ROCK1: variants seen among roughly 807,000 people sequenced by gnomAD.
The protein encoded by ROCK1 is Rho associated coiled-coil containing protein kinase 1, also known as rho-associated protein kinase 1.
A neutral mutation model predicts 196.8 loss-of-function variants in ROCK1; 36 were observed. The observed-to-expected ratio is 0.18, with a 90% CI of 0.14 to 0.24. The LOEUF is 0.24. ROCK1 is among the 10% of genes least tolerant of loss of function. ROCK1 has a pLI of 1.00. For synonymous variants in ROCK1, 443 were observed against 515.9 expected (o/e 0.86, Z 1.91); for missense variants, 920 against 1,562.0 (o/e 0.59, Z 6.93).
chr18:21,108,050 A>G (rs2143611653), intron 1 of ROCK1, among the ~76,000 whole-genome samples: 1 of 152,128 alleles, frequency 6.6e-6, no homozygotes, highest in Middle Eastern at 3.4e-3. Context: ...GTGAGATTCC[A>G]TCTCAGAAAA....
At chr18:21,047,506 T>C (rs1303195946) in intron 4 of ROCK1, among the ~76,000 whole-genome samples, 2 of 152,024 alleles carry the variant, frequency 1.3e-5, no homozygotes, top group East Asian at 1.9e-4. Flanking sequence ...TTAAAAGTAC[T>C]ATGGTGACCG....
chr18:21,110,863 G>A lies in ROCK1; in HGVS notation c.48C>T (p.Asn16=), dbSNP rs779151046. The part of the protein sequence containing the change: ...SFETRFEKMD[N]LLRDPKSEVN... ...CTTCCGATTTGGGATCCCGCAGCAG[G>A]TTGTCCATTTTTTCAAATCGAGTCT... The change falls in exon 1 of 33, where the codon AAC becomes AAT. Residue 16 remains asparagine (N), a synonymous_variant. Coordinates refer to ENST00000399799, the MANE Select transcript of ROCK1 (RefSeq NM_005406.3). 1 of 1,614,156 alleles carries A rather than the reference G, an allele frequency of 6.2e-7. No homozygotes were observed. Among genetic ancestry groups the A allele is most frequent in the South Asian group, 1.1e-5 (1 of 91,086 alleles).
intron 22 of ROCK1, 139 bp downstream of exon 22, chr18:20,979,771 T>C (rs2035513726): frequency 3.0e-6 from 3 of 1,009,890 alleles, no homozygotes; most frequent in African/African-American, 3.4e-5. Flanking sequence ...TTCAGCCTAA[T>C]CTGATTTGTT....
intron 12 of ROCK1, among the ~76,000 whole-genome samples, chr18:21,017,053 T>C (rs929842387): frequency 6.6e-6 from 1 of 151,884 alleles, no homozygotes; most frequent in Non-Finnish European, 1.5e-5. Flanking sequence ...TCCACTCTTC[T>C]CCTAATAATT....
intron 5 of ROCK1, 134 bp from the exon 6 acceptor site, chr18:21,044,320 C>A (rs2143508509): frequency 4.2e-6 from 2 of 471,968 alleles, no homozygotes; most frequent in South Asian, 5.1e-5. Context: ...TGTTCTCTAT[C>A]CACATCTATA....
intron 1 of ROCK1, among the ~76,000 whole-genome samples, chr18:21,081,017 A>T (rs1208326532): frequency 2.0e-5 from 3 of 152,164 alleles, no homozygotes; most frequent in African/African-American, 7.2e-5. Flanking sequence ...ACTGGACCTA[A>T]CAGATTATAA....
At chr18:21,024,137 C>A (rs2035937232) in intron 10 of ROCK1, among the ~76,000 whole-genome samples, 1 of 152,162 alleles carries the variant, frequency 6.6e-6, no homozygotes, top group Non-Finnish European at 1.5e-5. Flanking sequence ...ACCACCTCTC[C>A]TGCACCCAAC....
intron 1 of ROCK1, among the ~76,000 whole-genome samples, chr18:21,101,478 C>T (rs2036659207): frequency 6.6e-6 from 1 of 152,132 alleles, no homozygotes; most frequent in Non-Finnish European, 1.5e-5. Flanking sequence ...GTAAATCAAG[C>T]TTTTAGATCT....
chr18:21,062,555 G>A (rs1353745379), intron 2 of ROCK1, among the ~76,000 whole-genome samples: 1 of 152,046 alleles, frequency 6.6e-6, no homozygotes, highest in East Asian at 1.9e-4. Context: ...TAATAAATGG[G>A]GGAGAAAAGG....
At chr18:21,017,254 C>T (rs147791889) in intron 12 of ROCK1, among the ~76,000 whole-genome samples, 3 of 145,690 alleles carry the variant, frequency 2.1e-5, no homozygotes, top group African/African-American at 7.7e-5. Context: ...TGCAGCAGCG[C>T]AATCTCAGCT....
intron 13 of ROCK1, 128 bp downstream of exon 13, chr18:21,015,303 C>A: frequency 2.9e-6 from 2 of 695,452 alleles, no homozygotes; most frequent in Non-Finnish European, 5.2e-6. Context: ...GTGAGGCTTT[C>A]ATCACAATTC....
At chr18:21,013,233 G>A (rs771926528) in intron 13 of ROCK1, among the ~76,000 whole-genome samples, 2 of 152,136 alleles carry the variant, frequency 1.3e-5, no homozygotes, top group African/African-American at 4.8e-5. Flanking sequence ...ATCTCTTTTA[G>A]AAGGTCTCCT....
chr18:21,092,868 T>C (rs1366120057), intron 1 of ROCK1, among the ~76,000 whole-genome samples: 1 of 152,186 alleles, frequency 6.6e-6, no homozygotes, highest in Non-Finnish European at 1.5e-5. Flanking sequence ...TATCCCTCTC[T>C]TAAAGGTCCA....
At chr18:20,959,543 G>C (rs896223476) in intron 29 of ROCK1, among the ~76,000 whole-genome samples, 94 of 151,036 alleles carry the variant, frequency 6.2e-4, no homozygotes, top group African/African-American at 2.3e-3. Flanking sequence ...CACAGTTGTG[G>C]ATATGGAACC....
intron 14 of ROCK1, among the ~76,000 whole-genome samples, chr18:21,007,857 T>C (rs1255317624): frequency 6.6e-6 from 1 of 152,172 alleles, no homozygotes; most frequent in Non-Finnish European, 1.5e-5. Flanking sequence ...AAATGCTACT[T>C]ACTATTTACT....
At chr18:21,009,430 G>A (rs2035797932) in intron 13 of ROCK1, among the ~76,000 whole-genome samples, 3 of 151,796 alleles carry the variant, frequency 2.0e-5, no homozygotes, top group Non-Finnish European at 2.9e-5. Flanking sequence ...CAAATGTACC[G>A]AAGTTTGTTC....
chr18:21,069,950 GAT>G, intron 2 of ROCK1, among the ~76,000 whole-genome samples: 1 of 151,844 alleles, frequency 6.6e-6, no homozygotes, highest in Non-Finnish European at 1.5e-5. Flanking sequence ...AAATCAAAAA[GAT>G]ATGACTATTT....
At chr18:20,972,910 G>A (rs1265781831) in intron 22 of ROCK1, among the ~76,000 whole-genome samples, 1 of 152,332 alleles carries the variant, frequency 6.6e-6, no homozygotes, top group Middle Eastern at 3.4e-3. Flanking sequence ...ACGCAGTTTC[G>A]CTCTTGTTGC....
intron 11 of ROCK1, 38 bp downstream of exon 11, chr18:21,023,582 T>C: frequency 8.6e-7 from 1 of 1,165,574 alleles, no homozygotes; most frequent in Non-Finnish European, 1.2e-6. Flanking sequence ...ACAAAACAAT[T>C]TTAAAAACAA....
Sources: allele counts gnomAD v4.1 joint callset (sites outside exome capture counted in the v4.1 genomes callset), GRCh38; gene constraint gnomAD v4.1.1; transcripts MANE v1.5; gene names NCBI Gene and HGNC (gene_info 2026-07-23, HGNC 2026-07-21).